GMPR: variants seen among roughly 807,000 people sequenced by gnomAD.
GMPR encodes the protein GMP reductase 1.
GMPR carries 31 observed loss-of-function variants against 38.4 expected under a neutral mutation model. The ratio of observed to expected loss-of-function variants is 0.81; its 90% confidence interval spans 0.61 to 1.09. GMPR has a LOEUF of 1.09. Among genes scored for constraint, GMPR ranks in the 50% least tolerant of loss-of-function variants. The pLI is 0.00. For synonymous variants in GMPR, 162 were observed against 173.3 expected, an observed-to-expected ratio of 0.93 and a Z score of 0.51; for missense variants, 468 against 453.7, an observed-to-expected ratio of 1.03 and a Z score of -0.29.
At chr6:16,260,138 T>A (rs2113679302) in intron 4 of GMPR, among the ~76,000 whole-genome samples, 1 of 152,126 alleles carries the variant, frequency 6.6e-6, no homozygotes. Context: ...GAAGGGAAAG[T>A]GGTAAAAGTA....
chr6:16,288,912 C>A (rs1011911725), intron 7 of GMPR, among the ~76,000 whole-genome samples: 1 of 152,216 alleles, frequency 6.6e-6, no homozygotes, highest in Admixed American at 6.5e-5. Flanking sequence ...ACCTTTGTGT[C>A]TAGCTCAGGG....
At chr6:16,255,156 C>T (rs375915315) in intron 4 of GMPR, among the ~76,000 whole-genome samples, 4 of 151,936 alleles carry the variant, frequency 2.6e-5, no homozygotes, top group South Asian at 2.1e-4. Context: ...GGATTACAGG[C>T]GCCCATCACC....
rs546450494 is a variant in GMPR, at chr6:16,289,848, A to ATTTTTTTTTTTTTTTTTTT, written c.698-595_698-577dup. 28 of 63,188 alleles carry ATTTTTTTTTTTTTTTTTTT rather than the reference A, an allele frequency of 4.4e-4. 3 individuals carry two copies. The highest frequency in any genetic ancestry group is 1.4e-3 in the African/African-American group (20 of 14,178). 3.9% of individuals were successfully genotyped at this position (63,188 alleles called of 1,614,324 possible). A position where few individuals can be genotyped will look rare whatever the true frequency, so the allele number is the denominator to read the frequency against. ...AACTTGCTTTCTAAGATACTGCCCA[A>ATTTTTTTTTTTTTTTTTTT]TTTTTTTTTTTTTTTTTTTTTTTTT... On this transcript the variant is annotated intron_variant, in intron 7 of 8. Coordinates refer to ENST00000259727, the MANE Select transcript of GMPR (RefSeq NM_006877.4).
At chr6:16,241,039 G>A (rs1192315289) in intron 1 of GMPR, among the ~76,000 whole-genome samples, 4 of 152,050 alleles carry the variant, frequency 2.6e-5, no homozygotes, top group Non-Finnish European at 5.9e-5. Flanking sequence ...TTCTCAGTTT[G>A]CTTGTTGATG....
At chr6:16,285,037 A>AC (rs1259725347) in intron 6 of GMPR, among the ~76,000 whole-genome samples, 6 of 150,736 alleles carry the variant, frequency 4.0e-5, no homozygotes, top group Non-Finnish European at 5.9e-5. Flanking sequence ...AAAAAACAAA[A>AC]AAAAAAAAAC....
chr6:16,266,954 G>T (rs1019405254), intron 4 of GMPR, among the ~76,000 whole-genome samples: 3 of 151,770 alleles, frequency 2.0e-5, no homozygotes, highest in Non-Finnish European at 4.4e-5. Flanking sequence ...CTTCACTCCT[G>T]AAGTCGGCGT....
chr6:16,294,222 TC>T (rs1056367260), intron 8 of GMPR, among the ~76,000 whole-genome samples: 6 of 152,140 alleles, frequency 3.9e-5, no homozygotes, highest in Admixed American at 3.9e-4. Context: ...CTAAGACAGG[TC>T]TTGGTTCTCC....
Position 16,278,825 on chromosome 6 carries a change from C to A in GMPR, c.589C>A (p.Pro197Thr), listed in dbSNP as rs1759524696. ...TTRTKTGVGY[P>T]QLSAVIECAD... The stretch of plus-strand genomic sequence containing the variant: ...CCGCACCAAGACGGGAGTGGGGTAC[C>A]CCCAGCTGAGTGCCGTCATTGAGTG... Residue 197 changes from proline (P) to threonine (T), a missense_variant, in exon 6 of 9, where the codon CCC (proline) becomes ACC (threonine). Transcript: ENST00000259727. 1.9e-6 allele frequency: 3 copies of A among 1,614,100 alleles called. No homozygotes were observed. Among genetic ancestry groups the A allele is most frequent in the African/African-American group, 1.3e-5 (1 of 75,060 alleles).
intron 4 of GMPR, among the ~76,000 whole-genome samples, chr6:16,261,644 A>G (rs530709098): frequency 3.9e-4 from 60 of 151,924 alleles, no homozygotes; most frequent in African/African-American, 1.4e-3. Flanking sequence ...TGGGGGAATT[A>G]TAAGGAGAGT....
At chr6:16,265,416 A>G (rs1415330162) in intron 4 of GMPR, among the ~76,000 whole-genome samples, 1 of 152,060 alleles carries the variant, frequency 6.6e-6, no homozygotes, top group Non-Finnish European at 1.5e-5. Context: ...GAGCCTGCAA[A>G]TTTTTGCTGT....
In GMPR at chr6:16,274,482, T is replaced by G; in HGVS notation, c.533T>G (p.Val178Gly). Residue 178 changes from valine to glycine, a missense_variant, in exon 5 of 9, where the codon GTG becomes GGG. Transcript: ENST00000259727. ...CTTTCCGGAGCAGATATCATCAAAG[T>G]GGGAGTTGGACCAGGTAAGACTTGT... ...LILSGADIIK[V>G]GVGPGSVCTT... The G allele has an allele frequency of 6.2e-7, 1 of 1,600,472 alleles. No individual in the cohort carries two copies. The highest frequency in any genetic ancestry group is 8.6e-7 in the Non-Finnish European group (1 of 1,167,600).
At position 16,250,267 on chromosome 6, in the gene GMPR, G is replaced by T; in HGVS notation, c.208-17G>T. The T allele has an allele frequency of 1.4e-6, 2 of 1,454,900 alleles. No individual in the cohort carries two copies. Among genetic ancestry groups the T allele is most frequent in the South Asian group, 2.3e-5 (2 of 87,850 alleles). 90.1% of individuals were successfully genotyped at this position (1,454,900 alleles called of 1,614,324 possible). A position where few individuals can be genotyped will look rare whatever the true frequency, so the allele number is the denominator to read the frequency against. ...TCACTTGGCTTCCCATCCTAATGGT[G>T]CTGTTTTGTTTTCTAGCACTCCATG... On this transcript the variant is annotated splice_polypyrimidine_tract_variant and intron_variant, in intron 2 of 8. Coordinates refer to ENST00000259727, the MANE Select transcript of GMPR (RefSeq NM_006877.4).
chr6:16,239,836 C>G (rs999701692), intron 1 of GMPR, among the ~76,000 whole-genome samples: 2 of 152,252 alleles, frequency 1.3e-5, no homozygotes. Flanking sequence ...ATGACTAAAC[C>G]AAGTGGCCTT....
At chr6:16,283,687 C>T (rs1581664539) in intron 6 of GMPR, among the ~76,000 whole-genome samples, 1 of 152,198 alleles carries the variant, frequency 6.6e-6, no homozygotes, top group South Asian at 2.1e-4. Flanking sequence ...CCCAGTGGCA[C>T]AGGGCTCCTG....
At chr6:16,289,800 T>C (rs1194742191) in intron 7 of GMPR, 1 of 148,288 alleles carries the variant, frequency 6.7e-6, no homozygotes. Flanking sequence ...AGAGGAGTCA[T>C]AGCATTAAGT....
intron 5 of GMPR, among the ~76,000 whole-genome samples, chr6:16,277,149 G>A (rs1470032927): frequency 1.3e-5 from 2 of 152,174 alleles, no homozygotes; most frequent in African/African-American, 4.8e-5. Context: ...GCGCCTTCGT[G>A]GGAATGAGAC....
At chr6:16,266,062 G>A (rs904592361) in intron 4 of GMPR, among the ~76,000 whole-genome samples, 1 of 152,066 alleles carries the variant, frequency 6.6e-6, no homozygotes, top group South Asian at 2.1e-4. Context: ...CCAGTGGGAG[G>A]AATGAACAAC....
chr6:16,288,856 AC>A (rs1759756298), intron 7 of GMPR, among the ~76,000 whole-genome samples: 2 of 152,052 alleles, frequency 1.3e-5, no homozygotes. Flanking sequence ...TTGTGAATGC[AC>A]CAATCCACAC....
rs905651648 is a variant in GMPR at position 16,285,942 on chromosome 6, C to G, written c.697+107C>G. 9.7e-6 allele frequency: 9 copies of G among 926,266 alleles called. No homozygotes were observed. The African/African-American group carries it at 1.3e-4, about 13-fold the overall frequency. The allele number at this position is 926,266 out of a possible 1,614,324, so 57.4% of individuals were successfully genotyped here. On this transcript the variant is annotated intron_variant, in intron 7 of 8. Coordinates refer to ENST00000259727, the MANE Select transcript of GMPR (RefSeq NM_006877.4). ...AGGAGGGGGACCTGGTGGGGAAGTT[C>G]TGGGTCTCCTGGAGGTTCCTCTCCC... is the stretch of plus-strand genomic sequence containing the variant.
Sources: gnomAD v4.1 joint callset for allele counts (sites outside exome capture counted in the v4.1 genomes callset) on GRCh38, gnomAD v4.1.1 for gene constraint, MANE v1.5 for transcripts, NCBI Gene and HGNC (gene_info 2026-07-23, HGNC 2026-07-21) for gene names.